EFCAB11: variants seen among roughly 807,000 people sequenced by gnomAD.
EFCAB11 encodes the protein EF-hand calcium binding domain 11, also known as EF-hand calcium-binding domain-containing protein 11.
In EFCAB11, 14 loss-of-function variants were observed where a neutral mutation model predicts 23.0. The ratio of observed to expected loss-of-function variants is 0.61; its 90% CI spans 0.40 to 0.95. EFCAB11 has a LOEUF of 0.95. Ranked by LOEUF, EFCAB11 falls within the 40% of genes least tolerant of loss-of-function variation. The pLI is 0.00. For synonymous variants in EFCAB11, 65 were observed against 66.6 expected, an observed-to-expected ratio of 0.98 and a Z score of 0.11; for missense variants, 198 against 195.8, an observed-to-expected ratio of 1.01 and a Z score of -0.07.
At chr14:89,954,134 T>C in intron 1 of EFCAB11, 133 bp from the exon 2 acceptor site, 1 of 902,682 alleles carries the variant, frequency 1.1e-6, no homozygotes, top group South Asian at 1.7e-5. Context: ...AATTTCATTA[T>C]CCCAATATTA....
chr14:89,808,203 T>C (rs1429708048), intron 5 of EFCAB11, among the ~76,000 whole-genome samples: 1 of 152,124 alleles, frequency 6.6e-6, no homozygotes, highest in Non-Finnish European at 1.5e-5. Context: ...TATAATGATA[T>C]AGGAACGAAG....
chr14:89,938,456 G>A (rs1053489302), intron 3 of EFCAB11, among the ~76,000 whole-genome samples: 2 of 152,186 alleles, frequency 1.3e-5, no homozygotes, highest in Non-Finnish European at 2.9e-5. Context: ...AGACTGCAAG[G>A]ATGGTAGGTG....
chr14:89,872,986 G>A (rs1888328816), intron 5 of EFCAB11, among the ~76,000 whole-genome samples: 1 of 152,166 alleles, frequency 6.6e-6, no homozygotes, highest in Non-Finnish European at 1.5e-5. Context: ...CTCCAGAACT[G>A]TAAGAAAATA....
intron 5 of EFCAB11, among the ~76,000 whole-genome samples, chr14:89,896,081 C>G (rs934641250): frequency 3.3e-5 from 5 of 152,084 alleles, no homozygotes; most frequent in Non-Finnish European, 5.9e-5. Flanking sequence ...CCCACTCAAC[C>G]GGGAAAGATT....
At chr14:89,850,135 T>A (rs536469680) in intron 5 of EFCAB11, among the ~76,000 whole-genome samples, 2 of 152,224 alleles carry the variant, frequency 1.3e-5, no homozygotes, top group African/African-American at 4.8e-5. Context: ...GCTGCAGTGA[T>A]GCAAACTTCA....
intron 5 of EFCAB11, among the ~76,000 whole-genome samples, chr14:89,884,733 C>T (rs536163687): frequency 6.6e-6 from 1 of 152,162 alleles, no homozygotes; most frequent in Non-Finnish European, 1.5e-5. Context: ...AATGTGTGTG[C>T]CCACTCCTGC....
intron 5 of EFCAB11, among the ~76,000 whole-genome samples, chr14:89,897,373 A>G (rs1889202150): frequency 6.6e-6 from 1 of 151,906 alleles, no homozygotes; most frequent in Non-Finnish European, 1.5e-5. Context: ...AAGCCCAACT[A>G]ATTTTTTCTA....
chr14:89,938,276 G>T (rs906079875), intron 3 of EFCAB11: 1 of 152,148 alleles, frequency 6.6e-6, no homozygotes, highest in Non-Finnish European at 1.5e-5. Flanking sequence ...GTCACATATT[G>T]ATTTTTCCAG....
intron 3 of EFCAB11, among the ~76,000 whole-genome samples, chr14:89,935,105 GTC>G (rs1185381118): frequency 6.6e-6 from 1 of 152,138 alleles, no homozygotes; most frequent in Non-Finnish European, 1.5e-5. Context: ...GTTTGAATAT[GTC>G]TCTGATTTCT....
intron 5 of EFCAB11, among the ~76,000 whole-genome samples, chr14:89,860,460 C>T (rs1310422510): frequency 6.6e-6 from 1 of 152,150 alleles, no homozygotes; most frequent in African/African-American, 2.4e-5. Flanking sequence ...TGTGTTGTTA[C>T]TATAGGCATA....
chr14:89,945,227 A>G (rs1200989976), intron 3 of EFCAB11, among the ~76,000 whole-genome samples: 1 of 151,728 alleles, frequency 6.6e-6, no homozygotes, highest in African/African-American at 2.4e-5. Flanking sequence ...TTCCATTCCA[A>G]TCTTTACTAT....
intron 5 of EFCAB11, among the ~76,000 whole-genome samples, chr14:89,894,169 C>T (rs970121703): frequency 1.3e-5 from 2 of 152,026 alleles, no homozygotes; most frequent in Admixed American, 1.3e-4. Context: ...CCAGAACGGT[C>T]TCGATCTCCT....
At chr14:89,919,871 C>T (rs182619290) in intron 5 of EFCAB11, among the ~76,000 whole-genome samples, 6 of 152,162 alleles carry the variant, frequency 3.9e-5, no homozygotes, top group Non-Finnish European at 7.4e-5. Context: ...CAGGTTGCAA[C>T]CAAGGAGAGA....
intron 5 of EFCAB11, among the ~76,000 whole-genome samples, chr14:89,803,591 G>A (rs2140078689): frequency 6.6e-6 from 1 of 152,326 alleles, no homozygotes; most frequent in Middle Eastern, 3.4e-3. Context: ...GGGGAAAAGG[G>A]AGAGAGCAGC....
At chr14:89,908,213 A>G (rs1258755911) in intron 5 of EFCAB11, among the ~76,000 whole-genome samples, 1 of 152,242 alleles carries the variant, frequency 6.6e-6, no homozygotes, top group African/African-American at 2.4e-5. Flanking sequence ...AGACACCATA[A>G]TAACAACATG....
intron 5 of EFCAB11, among the ~76,000 whole-genome samples, chr14:89,847,741 C>CAAAAAAAAA (rs561016492): frequency 4.3e-5 from 4 of 92,024 alleles, no homozygotes; most frequent in South Asian, 4.3e-4. Context: ...CTCTGTCTCA[C>CAAAAAAAAA]AAAAAAAAAA....
At chr14:89,813,868 G>C (rs1416244896) in intron 5 of EFCAB11, among the ~76,000 whole-genome samples, 1 of 152,062 alleles carries the variant, frequency 6.6e-6, no homozygotes, top group South Asian at 2.1e-4. Flanking sequence ...AAGATGTTAC[G>C]GGCAGAACTT....
At chr14:89,849,023 T>C (rs1376822537) in intron 5 of EFCAB11, 1 of 152,186 alleles carries the variant, frequency 6.6e-6, no homozygotes, top group African/African-American at 2.4e-5. Flanking sequence ...TTTTTGTCTT[T>C]TATTCCCTCT....
chr14:89,939,986 C>T (rs1205141925), intron 3 of EFCAB11, among the ~76,000 whole-genome samples: 6 of 152,182 alleles, frequency 3.9e-5, no homozygotes, highest in African/African-American at 1.4e-4. Flanking sequence ...ATCCACCTTC[C>T]TCGGCCTCCC....
Sources: gnomAD v4.1 joint callset for allele counts (sites outside exome capture counted in the v4.1 genomes callset) on GRCh38, gnomAD v4.1.1 for gene constraint, MANE v1.5 for transcripts, NCBI Gene and HGNC (gene_info 2026-07-23, HGNC 2026-07-21) for gene names.